The following PLPP1 variants were observed in gnomAD, a reference collection of about 807,000 sequenced individuals.
PLPP1 encodes the protein lipid phosphate phosphohydrolase 1a.
Under a neutral mutation model 31.2 loss-of-function variants are expected in PLPP1, and 24 were observed. The observed-to-expected ratio is 0.77, with a 90% CI of 0.56 to 1.08. The LOEUF (loss-of-function observed/expected upper bound fraction) is 1.08. Ranked by LOEUF, PLPP1 falls within the 50% of genes least tolerant of loss-of-function variation. The probability of loss-of-function intolerance (pLI) is 0.00; values close to 1 mark genes in which losing one functional copy is unlikely to be tolerated. For missense variants in PLPP1, 319 were observed against 342.7 expected, an observed-to-expected ratio of 0.93 and a Z score of 0.55; for synonymous variants, 146 against 126.3, an observed-to-expected ratio of 1.16 and a Z score of -1.05.
In PLPP1 at chr5:55,534,592, T is replaced by G; in HGVS notation, c.38A>C (p.Asp13Ala). 1 of 1,558,100 alleles carries G rather than the reference T, an allele frequency of 6.4e-7. No individual in the cohort carries two copies. The highest frequency in any genetic ancestry group is 8.7e-7 in the Non-Finnish European group (1 of 1,154,058). Reference sequence around the variant, plus strand: ...CGTACCCAGCAACACGCAGAGCACATCGAGGGCCACGTACGGCAGCCGCGT... The same window carrying G: ...CGTACCCAGCAACACGCAGAGCACAGCGAGGGCCACGTACGGCAGCCGCGT... Reference protein sequence around the residue: ...DKTRLPYVALDVLCVLLAGLP... With the variant: ...DKTRLPYVALAVLCVLLAGLP... Residue 13 changes from aspartate to alanine, a missense_variant, in exon 1 of 6, where the codon GAT becomes GCT. Physicochemically the swap from Asp to Ala is moderately radical, Grantham distance 126 (BLOSUM62 -2). Transcript: ENST00000307259.
chr5:55,457,816 G>T (rs896556527), intron 3 of PLPP1, among the ~76,000 whole-genome samples: 4 of 151,232 alleles, frequency 2.6e-5, no homozygotes, highest in Admixed American at 2.0e-4. Context: ...TTGAACCCGG[G>T]AGGCAGAGGT....
chr5:55,527,350 T>C (rs1344780815), intron 1 of PLPP1, among the ~76,000 whole-genome samples: 1 of 152,220 alleles, frequency 6.6e-6, no homozygotes, highest in Admixed American at 6.5e-5. Context: ...CTAGCATTGG[T>C]TGCAAATGTT....
chr5:55,483,826 C>T (rs1030083525), intron 1 of PLPP1, among the ~76,000 whole-genome samples: 9 of 151,974 alleles, frequency 5.9e-5, no homozygotes, highest in Admixed American at 4.6e-4. Flanking sequence ...TAGACCAATA[C>T]TTGGTCTATT....
chr5:55,446,930 A>G (rs1322848917), intron 3 of PLPP1, among the ~76,000 whole-genome samples: 3 of 152,198 alleles, frequency 2.0e-5, no homozygotes, highest in Admixed American at 2.0e-4. Flanking sequence ...CTCAGTGTCT[A>G]TGCCACCAGG....
rs1227070764 is a variant in PLPP1, at chr5:55,425,178, C to CA, written c.*27dup. On this transcript the variant is annotated 3_prime_UTR_variant, in exon 6 of 6. Coordinates refer to ENST00000307259, the MANE Select transcript of PLPP1 (RefSeq NM_003711.4). The stretch of plus-strand genomic sequence containing the variant: ...AATCATTTTCCTTTAGAAAACAGGC[C>CA]AGCTTCACCTGGGCACCCTGCTGCC... The CA allele has an allele frequency of 1.3e-6, 2 of 1,596,680 alleles. No homozygotes were observed. The highest frequency in any genetic ancestry group is 1.7e-6 in the Non-Finnish European group (2 of 1,175,204).
intron 3 of PLPP1, among the ~76,000 whole-genome samples, chr5:55,449,287 G>A (rs1031297263): frequency 4.6e-5 from 7 of 152,088 alleles, no homozygotes; most frequent in African/African-American, 1.7e-4. Context: ...ATCAAATGGG[G>A]GTTAAACTAA....
At chr5:55,427,849 G>A (rs1368632175) in intron 4 of PLPP1, among the ~76,000 whole-genome samples, 6 of 151,906 alleles carry the variant, frequency 3.9e-5, no homozygotes, top group Non-Finnish European at 7.4e-5. Context: ...GCAGTGGTGC[G>A]ATCTCGGCTC....
At chr5:55,487,438 C>CAAA (rs10622738) in intron 1 of PLPP1, among the ~76,000 whole-genome samples, 376 of 148,004 alleles carry the variant, frequency 2.5e-3, no homozygotes, top group South Asian at 8.5e-3. Context: ...AACCCAAAAA[C>CAAA]AAAAAAAAAA....
intron 1 of PLPP1, among the ~76,000 whole-genome samples, chr5:55,483,270 G>C (rs1554039860): frequency 1.3e-5 from 2 of 152,120 alleles, no homozygotes; most frequent in Non-Finnish European, 2.9e-5. Flanking sequence ...GTGAAAATCT[G>C]ATTAATCAAT....
intron 1 of PLPP1, among the ~76,000 whole-genome samples, chr5:55,491,815 G>A (rs970851546): frequency 4.5e-5 from 6 of 132,164 alleles, no homozygotes; most frequent in Non-Finnish European, 9.2e-5. Flanking sequence ...TCAAGATTGT[G>A]CCACTGCACT....
intron 4 of PLPP1, among the ~76,000 whole-genome samples, chr5:55,430,197 C>T (rs1177193070): frequency 6.6e-6 from 1 of 152,202 alleles, no homozygotes; most frequent in Non-Finnish European, 1.5e-5. Flanking sequence ...CTGCCCGCAC[C>T]ACACCTGCTG....
intron 3 of PLPP1, among the ~76,000 whole-genome samples, chr5:55,450,253 T>G (rs558038541): frequency 6.6e-6 from 1 of 152,238 alleles, no homozygotes; most frequent in South Asian, 2.1e-4. Context: ...GTGAATCACA[T>G]GCCGAGTGAC....
chr5:55,500,500 G>C (rs966222276), intron 1 of PLPP1, among the ~76,000 whole-genome samples: 40 of 152,040 alleles, frequency 2.6e-4, no homozygotes, highest in Middle Eastern at 3.4e-3. Context: ...TTAACAGTGG[G>C]GGCTAAATAG....
chr5:55,470,175 A>G (rs992504932), intron 2 of PLPP1, among the ~76,000 whole-genome samples: 3 of 152,152 alleles, frequency 2.0e-5, no homozygotes, highest in African/African-American at 4.8e-5. Flanking sequence ...TTCAGTACAC[A>G]TTGCCTCCTT....
intron 1 of PLPP1, among the ~76,000 whole-genome samples, chr5:55,528,792 GTTCT>G (rs1411594074): frequency 6.6e-6 from 1 of 152,006 alleles, no homozygotes; most frequent in Non-Finnish European, 1.5e-5. Context: ...TCTCTTTTAT[GTTCT>G]TTTAGTTATT....
At chr5:55,430,313 T>C (rs1751317502) in intron 4 of PLPP1, among the ~76,000 whole-genome samples, 1 of 152,166 alleles carries the variant, frequency 6.6e-6, no homozygotes. Flanking sequence ...CTAACATCAG[T>C]GCCAGCATAC....
intron 1 of PLPP1, among the ~76,000 whole-genome samples, chr5:55,509,243 A>T (rs185369943): frequency 1.3e-5 from 2 of 152,330 alleles, no homozygotes; most frequent in Admixed American, 1.3e-4. Flanking sequence ...CAGGACAATG[A>T]ATTTGTGCAA....
intron 3 of PLPP1, among the ~76,000 whole-genome samples, chr5:55,465,839 C>T (rs1752280785): frequency 6.6e-6 from 1 of 152,152 alleles, no homozygotes; most frequent in Non-Finnish European, 1.5e-5. Flanking sequence ...CTGTTAAAGT[C>T]TTCTATCTTT....
At chr5:55,435,313 G>A (rs922104466) in intron 4 of PLPP1, among the ~76,000 whole-genome samples, 1 of 152,218 alleles carries the variant, frequency 6.6e-6, no homozygotes, top group African/African-American at 2.4e-5. Context: ...CCAGCCACCA[G>A]AGAAATGCAG....
Sources: allele counts gnomAD v4.1 joint callset (sites outside exome capture counted in the v4.1 genomes callset), GRCh38; gene constraint gnomAD v4.1.1; transcripts MANE v1.5; gene names NCBI Gene and HGNC (gene_info 2026-07-23, HGNC 2026-07-21).